RGS6: variants seen among roughly 807,000 people sequenced by gnomAD.
RGS6 encodes the protein regulator of G-protein signaling 6.
Under a neutral mutation model 78.5 loss-of-function variants are expected in RGS6, and 30 were observed. The observed-to-expected ratio is 0.38, with a 90% confidence interval of 0.29 to 0.52. The LOEUF is 0.52. Among genes scored for constraint, RGS6 ranks in the 20% least tolerant of loss-of-function variants. The probability of loss-of-function intolerance (pLI) is 0.85; values close to 1 mark genes in which losing one functional copy is unlikely to be tolerated. For missense variants in RGS6, 495 were observed against 609.7 expected (o/e 0.81, Z 1.98); for synonymous variants, 206 against 206.0 (o/e 1.00, Z 0.00).
At chr14:72,035,959 A>G (rs2091636411) in intron 2 of RGS6, among the ~76,000 whole-genome samples, 1 of 152,142 alleles carries the variant, frequency 6.6e-6, no homozygotes, top group South Asian at 2.1e-4. Flanking sequence ...TGCCATAATG[A>G]GAATACAAAA....
At chr14:72,200,392 C>A in intron 2 of RGS6, among the ~76,000 whole-genome samples, 1 of 152,240 alleles carries the variant, frequency 6.6e-6, no homozygotes, top group East Asian at 1.9e-4. Context: ...CTCTCAGTAA[C>A]ATCAGTGAAG....
intron 2 of RGS6, among the ~76,000 whole-genome samples, chr14:72,111,301 T>A (rs1463476312): frequency 6.6e-6 from 1 of 152,186 alleles, no homozygotes; most frequent in Non-Finnish European, 1.5e-5. Flanking sequence ...AGATACCATC[T>A]CAGGAATGGA....
chr14:72,156,251 C>A (rs1180262660), intron 2 of RGS6, among the ~76,000 whole-genome samples: 1 of 151,890 alleles, frequency 6.6e-6, no homozygotes, highest in Admixed American at 6.6e-5. Context: ...TCGAGAACAG[C>A]CTGGCCAACA....
chr14:71,882,424 A>G, the RGS6 span, among the ~76,000 whole-genome samples: 1 of 152,216 alleles, frequency 6.6e-6, no homozygotes, highest in Non-Finnish European at 1.5e-5. Context: ...ACATTGGTAT[A>G]TGCATACCTG....
chr14:72,209,527 A>C (rs1475351338), intron 2 of RGS6, among the ~76,000 whole-genome samples: 1 of 152,180 alleles, frequency 6.6e-6, no homozygotes, highest in East Asian at 1.9e-4. Context: ...CCAGCCACTT[A>C]ATTAGCTGGG....
chr14:72,314,063 G>A (rs1337981879), intron 2 of RGS6, among the ~76,000 whole-genome samples: 1 of 152,160 alleles, frequency 6.6e-6, no homozygotes, highest in East Asian at 1.9e-4. Flanking sequence ...GTTTGGGTAT[G>A]CTACTTCTTT....
At chr14:72,084,576 GATAA>G (rs1053735982) in intron 2 of RGS6, among the ~76,000 whole-genome samples, 15 of 152,290 alleles carry the variant, frequency 9.8e-5, no homozygotes, top group African/African-American at 3.6e-4. Context: ...CCGTAACTCA[GATAA>G]AAAATAGATC....
intron 3 of RGS6, among the ~76,000 whole-genome samples, chr14:72,418,210 A>T (rs2153090611): frequency 6.6e-6 from 1 of 151,650 alleles, no homozygotes; most frequent in East Asian, 1.9e-4. Context: ...TCTGTTGCCC[A>T]GGTTGGAGTA....
At chr14:72,039,796 T>C (rs1056904791) in intron 2 of RGS6, among the ~76,000 whole-genome samples, 5 of 148,488 alleles carry the variant, frequency 3.4e-5, no homozygotes, top group African/African-American at 4.9e-5. Context: ...TTTGCTGCCT[T>C]CTTTTGTGTT....
At chr14:72,190,485 G>A (rs1204886553) in intron 2 of RGS6, among the ~76,000 whole-genome samples, 1 of 152,194 alleles carries the variant, frequency 6.6e-6, no homozygotes, top group Non-Finnish European at 1.5e-5. Context: ...TGTGGGACAG[G>A]AAGAGGCCCA....
intron 12 of RGS6, among the ~76,000 whole-genome samples, chr14:72,491,271 A>G (rs567791494): frequency 4.7e-4 from 63 of 133,662 alleles, no homozygotes; most frequent in African/African-American, 1.7e-3. Context: ...TTCTAAATAA[A>G]TAACCCAGAA....
intron 17 of RGS6, among the ~76,000 whole-genome samples, chr14:72,550,857 TGA>T (rs1201445571): frequency 6.6e-6 from 1 of 152,162 alleles, no homozygotes; most frequent in African/African-American, 2.4e-5. Context: ...GTGTTTTTTT[TGA>T]GACAGAGCCT....
chr14:71,893,774 AG>A, the RGS6 span, among the ~76,000 whole-genome samples: 1 of 152,118 alleles, frequency 6.6e-6, no homozygotes, highest in African/African-American at 2.4e-5. Context: ...CTTTAAAATG[AG>A]GGGGAATTTG....
chr14:72,410,767 A>C (rs910174642), intron 3 of RGS6, among the ~76,000 whole-genome samples: 2 of 152,248 alleles, frequency 1.3e-5, no homozygotes, highest in African/African-American at 2.4e-5. Flanking sequence ...GGAGGGATCC[A>C]GTTTCAGCTT....
At chr14:72,112,804 C>T (rs1428227725) in intron 2 of RGS6, among the ~76,000 whole-genome samples, 1 of 152,182 alleles carries the variant, frequency 6.6e-6, no homozygotes, top group African/African-American at 2.4e-5. Context: ...TGGTCTTGGG[C>T]ATCTGACTGA....
chr14:71,919,164 A>G, the RGS6 span, among the ~76,000 whole-genome samples: 74 of 152,256 alleles, frequency 4.9e-4, no homozygotes, highest in Middle Eastern at 3.4e-3. Flanking sequence ...CAGCTTCCCC[A>G]CGGCTTCTGG....
chr14:72,472,815 C>T (rs989731696), intron 8 of RGS6, 57 bp from the exon 9 acceptor site: 2 of 1,319,090 alleles, frequency 1.5e-6, no homozygotes, highest in Non-Finnish European at 2.2e-6. Flanking sequence ...GAGCAAGTGT[C>T]AGAAGGGAAA....
intron 2 of RGS6, among the ~76,000 whole-genome samples, chr14:72,288,003 T>A (rs12433544): frequency 0.54 from 82,381 of 152,076 alleles, 23,763 homozygotes; most frequent in Non-Finnish European, 0.64. Flanking sequence ...TCTAGATAGG[T>A]GAGACTTTTT....
chr14:72,474,682 C>A lies in RGS6; in HGVS notation c.676C>A (p.Pro226Thr). 1 of 1,613,012 alleles carries A rather than the reference C, an allele frequency of 6.2e-7. No homozygotes were observed. Among genetic ancestry groups the A allele is most frequent in the Non-Finnish European group, 8.5e-7 (1 of 1,179,536 alleles). The change falls in exon 10 of 18, where the codon CCA becomes ACA. Residue 226 changes from proline to threonine, a missense_variant. Coordinates refer to ENST00000553525, the MANE Select transcript of RGS6 (RefSeq NM_001204424.2). ...DIRKCRRLKN[P>T]QKVKKSVYGV... ...CCGAAAATGTCGACGTTTGAAGAAT[C>A]CACAAAAGGTTAAAAAGGTTCGCTA...
Sources: allele counts gnomAD v4.1 joint callset (sites outside exome capture counted in the v4.1 genomes callset), GRCh38; gene constraint gnomAD v4.1.1; transcripts MANE v1.5; gene names NCBI Gene and HGNC (gene_info 2026-07-23, HGNC 2026-07-21).